ABCB5: variants seen among roughly 807,000 people sequenced by gnomAD.
ABCB5 encodes the protein ATP binding cassette subfamily B member 5, also known as ATP-binding cassette sub-family B member 5.
A neutral mutation model predicts 144.2 loss-of-function variants in ABCB5; 155 were observed. That is an observed-to-expected ratio of 1.08 (90% CI 0.94 to 1.23). ABCB5 has a LOEUF of 1.23. Among genes scored for constraint, ABCB5 ranks in the 50% most tolerant of loss-of-function variants. The pLI, the probability that ABCB5 is intolerant of heterozygous loss-of-function variation, is 0.00. For missense variants in ABCB5, 1,830 were observed against 1,520.8 expected, an observed-to-expected ratio of 1.20 and a Z score of -3.38; for synonymous variants, 610 against 528.6, an observed-to-expected ratio of 1.15 and a Z score of -2.11.
chr7:20,646,080 A>T lies in ABCB5; in HGVS notation c.923A>T (p.Tyr308Phe), dbSNP rs377724117. ...MNGTYGLAFW[Y>F]GTSLILNGEP... ...GGAACCTATGGACTTGCTTTTTGGT[A>T]TGGAACCTCCTTGATTCTTAATGGA... Residue 308 changes from tyrosine to phenylalanine, a missense_variant, in exon 9 of 28, where the codon TAT (tyrosine) becomes TTT (phenylalanine). Tyr to Phe is a conservative substitution (Grantham distance 22, BLOSUM62 3). Coordinates refer to ENST00000404938, the MANE Select transcript of ABCB5 (RefSeq NM_001163941.2). 2 of 1,613,682 alleles carry T rather than the reference A, an allele frequency of 1.2e-6. No individual in the cohort carries two copies. The highest frequency in any genetic ancestry group is 2.2e-5 in the South Asian group (2 of 91,084).
At chr7:20,710,767 A>G (rs914571598) in intron 20 of ABCB5, among the ~76,000 whole-genome samples, 2 of 150,146 alleles carry the variant, frequency 1.3e-5, no homozygotes, top group African/African-American at 4.9e-5. Context: ...GACCATTTTC[A>G]TTTAATGTGG....
intron 13 of ABCB5, among the ~76,000 whole-genome samples, chr7:20,652,219 C>A (rs78879263): frequency 6.6e-6 from 1 of 152,026 alleles, no homozygotes; most frequent in East Asian, 1.9e-4. Context: ...TGTGACAAAC[C>A]ACAAGAAAAA....
chr7:20,727,426 A>G (rs191044904), intron 22 of ABCB5, among the ~76,000 whole-genome samples: 7 of 152,350 alleles, frequency 4.6e-5, no homozygotes, highest in Middle Eastern at 3.4e-3. Context: ...ATGAAATAAC[A>G]TACGCAAGAA....
chr7:20,659,147 C>G (rs1367617228), intron 14 of ABCB5: 2 of 1,613,754 alleles, frequency 1.2e-6, no homozygotes, highest in Non-Finnish European at 1.7e-6. Context: ...TTCGACAGCT[C>G]TGGCCCCTCA....
intron 24 of ABCB5, among the ~76,000 whole-genome samples, chr7:20,742,669 A>G (rs1280924367): frequency 6.6e-6 from 1 of 152,224 alleles, no homozygotes; most frequent in Non-Finnish European, 1.5e-5. Flanking sequence ...AGTAGTGAAG[A>G]TAACAAGAAA....
chr7:20,706,332 G>T (rs150315523), intron 20 of ABCB5, among the ~76,000 whole-genome samples: 2 of 151,838 alleles, frequency 1.3e-5, no homozygotes, highest in South Asian at 4.2e-4. Flanking sequence ...AAATCTTTTC[G>T]GAATCTTTTG....
At chr7:20,634,238 T>TTC (rs1554279017) in intron 5 of ABCB5, among the ~76,000 whole-genome samples, 1 of 140,448 alleles carries the variant, frequency 7.1e-6, no homozygotes, top group Non-Finnish European at 1.5e-5. Context: ...GTATTCCATG[T>TTC]TGTGTGTGTG....
In ABCB5 at chr7:20,700,107, A is replaced by C. The variant is rs1178977040; in HGVS notation, c.2309A>C (p.His770Pro). 6.2e-7 allele frequency: 1 copy of C among 1,612,404 alleles called. No homozygotes were observed. The change falls in exon 19 of 28, where the codon CAC becomes CCC. Residue 770 changes from histidine (H) to proline (P), a missense_variant. By Grantham distance (77) the His-to-Pro change is moderately conservative. Transcript: ENST00000404938. ...GAAATTTTAACGATGAGATTAAGACACTTGGCCTTCAAAGCCATGTTATAT... is the reference window on the plus strand; with the variant it reads ...GAAATTTTAACGATGAGATTAAGACCCTTGGCCTTCAAAGCCATGTTATAT... ...AGEILTMRLR[H>P]LAFKAMLYQD...
intron 14 of ABCB5, among the ~76,000 whole-genome samples, chr7:20,680,586 AC>A: frequency 6.7e-6 from 1 of 149,406 alleles, no homozygotes; most frequent in Non-Finnish European, 1.5e-5. Flanking sequence ...AAAAAAAAAA[AC>A]CGACTGACTT....
chr7:20,666,828 G>T, intron 14 of ABCB5: 2 of 1,560,614 alleles, frequency 1.3e-6, no homozygotes, highest in Non-Finnish European at 1.7e-6. Flanking sequence ...TGGAACCACA[G>T]TGGTATGAAT....
intron 14 of ABCB5, chr7:20,667,326 C>G (rs1365405559): frequency 1.1e-5 from 11 of 984,536 alleles, no homozygotes; most frequent in Non-Finnish European, 1.3e-5. Flanking sequence ...TATTAAAACA[C>G]CTGTGAAGTG....
chr7:20,682,066 G>A (rs568749726), intron 15 of ABCB5, among the ~76,000 whole-genome samples: 1 of 152,230 alleles, frequency 6.6e-6, no homozygotes, highest in East Asian at 1.9e-4. Flanking sequence ...TTAGCTGGGT[G>A]TGGTGGTGTG....
At chr7:20,640,507 G>A (rs77072593) in intron 5 of ABCB5, among the ~76,000 whole-genome samples, 8,591 of 152,204 alleles carry the variant, frequency 0.056, 341 homozygotes, top group South Asian at 0.14. Context: ...ACTAAGGAGC[G>A]CTAGCCATCA....
Position 20,753,429 on chromosome 7 carries a change from G to T in ABCB5, c.3499G>T (p.Ala1167Ser), listed in dbSNP as rs758282494. The T allele has an allele frequency of 1.2e-6, 2 of 1,614,014 alleles. No individual in the cohort carries two copies. The highest frequency in any genetic ancestry group is 2.7e-5 in the African/African-American group (2 of 74,926). Residue 1167 changes from alanine to serine, a missense_variant, in exon 27 of 28, where the codon GCA becomes TCA. Ala to Ser is a moderately conservative substitution (Grantham distance 99). Coordinates refer to ENST00000404938, the MANE Select transcript of ABCB5 (RefSeq NM_001163941.2). ...SGGQKQRLAIARALLQKPKIL... is the reference protein window; with the variant it reads ...SGGQKQRLAISRALLQKPKIL... ...CGGCCAGAAACAAAGACTAGCTATTGCAAGGGCTCTTCTCCAAAAACCCAA... is the reference window on the plus strand; with the variant it reads ...CGGCCAGAAACAAAGACTAGCTATTTCAAGGGCTCTTCTCCAAAAACCCAA...
At chr7:20,630,438 G>A (rs1784013742) in intron 4 of ABCB5, among the ~76,000 whole-genome samples, 1 of 151,468 alleles carries the variant, frequency 6.6e-6, no homozygotes, top group Non-Finnish European at 1.5e-5. Context: ...AAACTCAAAA[G>A]TAAATCTTTT....
chr7:20,753,949 G>A (rs762081690), intron 27 of ABCB5, among the ~76,000 whole-genome samples: 10 of 152,140 alleles, frequency 6.6e-5, no homozygotes, highest in Non-Finnish European at 1.3e-4. Context: ...TAGTTTGAGC[G>A]GGAAACAAGG....
chr7:20,738,561 T>TATG (rs1782460764), intron 23 of ABCB5, among the ~76,000 whole-genome samples: 2 of 152,336 alleles, frequency 1.3e-5, no homozygotes, highest in South Asian at 4.1e-4. Context: ...AACTACATTA[T>TATG]ATGCAAAACA....
chr7:20,749,199 C>A (rs1409181291), intron 26 of ABCB5, among the ~76,000 whole-genome samples: 1 of 127,266 alleles, frequency 7.9e-6, no homozygotes, highest in African/African-American at 2.9e-5. Flanking sequence ...TTCCTCCCTT[C>A]CCCTCCCTCC....
intron 14 of ABCB5, among the ~76,000 whole-genome samples, chr7:20,681,046 T>TTCTC (rs1284240190): frequency 5.9e-4 from 12 of 20,450 alleles, no homozygotes; most frequent in South Asian, 2.1e-3. Flanking sequence ...CTTTCTTTCT[T>TTCTC]TCTCTCTCTC....
Sources: gnomAD v4.1 joint callset for allele counts (sites outside exome capture counted in the v4.1 genomes callset) on GRCh38, gnomAD v4.1.1 for gene constraint, MANE v1.5 for transcripts, NCBI Gene and HGNC (gene_info 2026-07-23, HGNC 2026-07-21) for gene names.